Variants in TCF12 observed in about 807,000 individuals in gnomAD.
TCF12 encodes DNA-binding protein HTF4.
In TCF12, 45 loss-of-function variants were observed where a neutral mutation model predicts 86.0. That is an observed-to-expected ratio of 0.52 (90% confidence interval 0.41 to 0.67). TCF12 has a LOEUF of 0.67. TCF12 is among the 30% of genes least tolerant of loss of function. The pLI, the probability that TCF12 is intolerant of heterozygous loss-of-function variation, is 0.00. For missense variants in TCF12, 881 were observed against 859.9 expected (o/e 1.02, Z -0.31); for synonymous variants, 330 against 299.6 (o/e 1.10, Z -1.05).
chr15:56,990,592 G>A (rs1256123203), intron 3 of TCF12, among the ~76,000 whole-genome samples: 1 of 151,922 alleles, frequency 6.6e-6, no homozygotes, highest in Non-Finnish European at 1.5e-5. Context: ...GGTTTGGGGG[G>A]TAAATTCTAT....
At chr15:57,155,848 C>G (rs1274587312) in intron 5 of TCF12, among the ~76,000 whole-genome samples, 8 of 152,118 alleles carry the variant, frequency 5.3e-5, no homozygotes, top group African/African-American at 1.9e-4. Context: ...ATTTAAGGCT[C>G]TCTTCTGGGC....
intron 3 of TCF12, among the ~76,000 whole-genome samples, chr15:57,051,071 A>G (rs1381586645): frequency 1.3e-5 from 2 of 152,186 alleles, no homozygotes; most frequent in African/African-American, 4.8e-5. Flanking sequence ...TGTAGGTGAT[A>G]TGTTGTAGAA....
chr15:57,090,459 T>G (rs1391050640), intron 4 of TCF12, among the ~76,000 whole-genome samples: 1 of 152,204 alleles, frequency 6.6e-6, no homozygotes, highest in African/African-American at 2.4e-5. Flanking sequence ...AAAGATTTAT[T>G]TGGGAGTTAG....
chr15:57,182,909 A>G (rs1484260066), intron 6 of TCF12, among the ~76,000 whole-genome samples: 2 of 152,182 alleles, frequency 1.3e-5, no homozygotes, highest in African/African-American at 2.4e-5. Context: ...CATGTTTTCA[A>G]GTTAACAATC....
At chr15:57,156,846 G>A (rs1232455211) in intron 5 of TCF12, among the ~76,000 whole-genome samples, 1 of 152,198 alleles carries the variant, frequency 6.6e-6, no homozygotes, top group Non-Finnish European at 1.5e-5. Context: ...ATGGGATTTA[G>A]CAACAGTGAG....
chr15:57,013,393 C>T (rs1377100729), intron 3 of TCF12, among the ~76,000 whole-genome samples: 1 of 152,210 alleles, frequency 6.6e-6, no homozygotes, highest in Non-Finnish European at 1.5e-5. Context: ...TAACTGCAAC[C>T]TCCACTTCCC....
At chr15:57,214,614 GAGAC>G (rs1224265247) in intron 8 of TCF12, among the ~76,000 whole-genome samples, 1 of 152,196 alleles carries the variant, frequency 6.6e-6, no homozygotes, top group Non-Finnish European at 1.5e-5. Flanking sequence ...TCCTGTATCT[GAGAC>G]AGACGCTATT....
At chr15:57,024,379 A>G (rs1396458808) in intron 3 of TCF12, among the ~76,000 whole-genome samples, 1 of 151,948 alleles carries the variant, frequency 6.6e-6, no homozygotes, top group Non-Finnish European at 1.5e-5. Context: ...AAACCCAACT[A>G]ATTTCTGTAT....
intron 3 of TCF12, among the ~76,000 whole-genome samples, chr15:57,019,635 G>A (rs1167461224): frequency 6.6e-6 from 1 of 152,136 alleles, no homozygotes; most frequent in African/African-American, 2.4e-5. Context: ...CACAGGACCG[G>A]TTTGAGTCAT....
intron 12 of TCF12, among the ~76,000 whole-genome samples, chr15:57,238,165 C>T (rs565130688): frequency 2.0e-5 from 3 of 152,032 alleles, no homozygotes; most frequent in African/African-American, 4.8e-5. Flanking sequence ...TATTTTTATA[C>T]TTGATATGTT....
intron 3 of TCF12, among the ~76,000 whole-genome samples, chr15:56,930,092 C>T (rs1475107718): frequency 6.6e-6 from 1 of 152,180 alleles, no homozygotes; most frequent in African/African-American, 2.4e-5. Flanking sequence ...ACAGGTTGGA[C>T]TTAATATAAT....
At chr15:57,071,996 A>C (rs117397070) in intron 4 of TCF12, among the ~76,000 whole-genome samples, 6,154 of 152,306 alleles carry the variant, frequency 0.04, 374 homozygotes, top group Admixed American at 0.17. Flanking sequence ...AATGTTATCT[A>C]TTCTTTGGGA....
intron 19 of TCF12, 133 bp downstream of exon 19, chr15:57,273,395 C>A: frequency 1.1e-6 from 1 of 905,358 alleles, no homozygotes; most frequent in East Asian, 2.6e-5. Context: ...TCATCAGGGT[C>A]GTTTTTCCTG....
intron 5 of TCF12, among the ~76,000 whole-genome samples, chr15:57,117,595 G>A (rs952947599): frequency 6.6e-5 from 10 of 152,084 alleles, no homozygotes; most frequent in Non-Finnish European, 8.8e-5. Flanking sequence ...ATATAAATGC[G>A]GATAGTAATT....
chr15:56,950,313 C>T (rs1040368208), intron 3 of TCF12, among the ~76,000 whole-genome samples: 1 of 152,176 alleles, frequency 6.6e-6, no homozygotes, highest in African/African-American at 2.4e-5. Flanking sequence ...GCAACCTCTG[C>T]CTACCGGGTT....
chr15:57,146,910 T>A (rs1303980828), intron 5 of TCF12, among the ~76,000 whole-genome samples: 1 of 152,196 alleles, frequency 6.6e-6, no homozygotes, highest in Non-Finnish European at 1.5e-5. Context: ...TCAGTTGATT[T>A]GGAGAAATAT....
At chr15:57,209,454 A>G (rs779105170) in intron 8 of TCF12, among the ~76,000 whole-genome samples, 1 of 152,228 alleles carries the variant, frequency 6.6e-6, no homozygotes, top group Non-Finnish European at 1.5e-5. Context: ...AAACAACAAT[A>G]CAGGAATTAT....
At chr15:57,105,804 G>T (rs1211648941) in intron 5 of TCF12, among the ~76,000 whole-genome samples, 1 of 152,176 alleles carries the variant, frequency 6.6e-6, no homozygotes, top group Non-Finnish European at 1.5e-5. Flanking sequence ...TTGCAAAATG[G>T]GGACATCAGT....
At chr15:57,206,211 A>C (rs1332782751) in intron 8 of TCF12, among the ~76,000 whole-genome samples, 1 of 152,192 alleles carries the variant, frequency 6.6e-6, no homozygotes, top group Admixed American at 6.5e-5. Context: ...TAAAGAATAC[A>C]AGGTAATGAG....
Sources: allele counts gnomAD v4.1 joint callset (sites outside exome capture counted in the v4.1 genomes callset), GRCh38; gene constraint gnomAD v4.1.1; transcripts MANE v1.5; gene names NCBI Gene and HGNC (gene_info 2026-07-23, HGNC 2026-07-21).